GPC6: variants seen among roughly 807,000 people sequenced by gnomAD.
GPC6 encodes glypican 6.
Under a neutral mutation model 55.2 loss-of-function variants are expected in GPC6, and 14 were observed. That is an observed-to-expected ratio of 0.25 (90% CI 0.17 to 0.40). The LOEUF (loss-of-function observed/expected upper bound fraction) is 0.40. Ranked by LOEUF, GPC6 falls within the 10% of genes least tolerant of loss-of-function variation. GPC6 has a pLI of 1.00. For synonymous variants in GPC6, 278 were observed against 259.6 expected (o/e 1.07, Z -0.68); for missense variants, 641 against 708.5 (o/e 0.90, Z 1.08).
chr13:94,171,971 C>T (rs1425822929), intron 4 of GPC6, among the ~76,000 whole-genome samples: 2 of 152,056 alleles, frequency 1.3e-5, no homozygotes, highest in African/African-American at 2.4e-5. Flanking sequence ...GTGCTGAAAA[C>T]GTGGAATTGA....
At chr13:94,225,780 A>C (rs1297974649) in intron 4 of GPC6, among the ~76,000 whole-genome samples, 2 of 152,026 alleles carry the variant, frequency 1.3e-5, no homozygotes, top group African/African-American at 4.8e-5. Context: ...GCAGGAGCCT[A>C]AATCTGTATT....
intron 2 of GPC6, among the ~76,000 whole-genome samples, chr13:93,616,336 G>A (rs1878721311): frequency 6.6e-6 from 1 of 152,098 alleles, no homozygotes; most frequent in South Asian, 2.1e-4. Flanking sequence ...TTGGAGATGA[G>A]AAATTATGAA....
At chr13:93,931,669 CG>C (rs1878183595) in intron 3 of GPC6, among the ~76,000 whole-genome samples, 1 of 145,120 alleles carries the variant, frequency 6.9e-6, no homozygotes, top group Non-Finnish European at 1.5e-5. Flanking sequence ...AAGGCTGAGG[CG>C]GAAGAGTCAC....
At chr13:94,196,660 A>G (rs1206211846) in intron 4 of GPC6, among the ~76,000 whole-genome samples, 1 of 152,144 alleles carries the variant, frequency 6.6e-6, no homozygotes, top group African/African-American at 2.4e-5. Flanking sequence ...TACCCAAGTG[A>G]TTAGTGGATT....
At chr13:93,413,693 T>C (rs1015043333) in intron 1 of GPC6, among the ~76,000 whole-genome samples, 5 of 152,168 alleles carry the variant, frequency 3.3e-5, no homozygotes, top group African/African-American at 1.2e-4. Context: ...GGATGCATGA[T>C]GCTTTCACCT....
At chr13:93,826,404 G>A (rs934091344) in intron 2 of GPC6, among the ~76,000 whole-genome samples, 2 of 151,986 alleles carry the variant, frequency 1.3e-5, no homozygotes, top group South Asian at 4.2e-4. Context: ...CTATAATCTC[G>A]ACTGACTAAT....
At chr13:93,339,062 C>T (rs1055283693) in intron 1 of GPC6, among the ~76,000 whole-genome samples, 1 of 152,142 alleles carries the variant, frequency 6.6e-6, no homozygotes, top group Non-Finnish European at 1.5e-5. Flanking sequence ...GAAAGGCTTG[C>T]TCACAATCAT....
At chr13:94,059,165 A>G (rs1432046960) in intron 4 of GPC6, among the ~76,000 whole-genome samples, 1 of 151,818 alleles carries the variant, frequency 6.6e-6, no homozygotes, top group African/African-American at 2.4e-5. Context: ...CATGTTGTTC[A>G]TGTTGTTCAC....
rs543279233 is a variant in GPC6, at chr13:93,790,694, A to G, written c.320-39460A>G. Among the ~76,000 whole-genome samples the G allele has an allele frequency of 5.9e-5, 9 of 152,326 alleles. No homozygotes were observed. The South Asian group carries it at 1.9e-3, about 32-fold the overall frequency. On this transcript the variant is annotated intron_variant, in intron 2 of 8. Transcript: ENST00000377047. ...TGGGAAAAAAAGAAAATATGAAGAC[A>G]AGTAAGACACAGTCCTAAAATTCAA... is the stretch of plus-strand genomic sequence containing the variant.
chr13:93,476,007 A>G lies in GPC6; in HGVS notation c.161-69256A>G, dbSNP rs182548278. ...GTATTCCCTGTTCATGTCCTCTTAA[A>G]TATATATGAGTACTGTTAAACTATA... On this transcript the variant is annotated intron_variant, in intron 1 of 8. Coordinates refer to ENST00000377047, the MANE Select transcript of GPC6 (RefSeq NM_005708.5). Among the ~76,000 whole-genome samples the G allele has an allele frequency of 9.9e-5, 15 of 152,132 alleles. No individual in the cohort carries two copies. The East Asian group carries it at 2.9e-3, about 29-fold the overall frequency.
chr13:93,606,584 G>A (rs1698073840), intron 2 of GPC6, among the ~76,000 whole-genome samples: 1 of 152,156 alleles, frequency 6.6e-6, no homozygotes, highest in African/African-American at 2.4e-5. Context: ...AGTGCACAAA[G>A]TATTTGAGGT....
intron 1 of GPC6, among the ~76,000 whole-genome samples, chr13:93,427,254 A>C (rs926091750): frequency 1.3e-5 from 2 of 152,034 alleles, no homozygotes; most frequent in Non-Finnish European, 2.9e-5. Context: ...AAACTACTTT[A>C]AAGTTCATAT....
At chr13:93,868,357 A>G (rs1301167683) in intron 3 of GPC6, among the ~76,000 whole-genome samples, 1 of 151,822 alleles carries the variant, frequency 6.6e-6, no homozygotes, top group Non-Finnish European at 1.5e-5. Flanking sequence ...ATATAGTTAT[A>G]TCTCCTTATG....
intron 4 of GPC6, among the ~76,000 whole-genome samples, chr13:94,099,265 T>C (rs1391217398): frequency 1.3e-5 from 2 of 152,174 alleles, no homozygotes; most frequent in Non-Finnish European, 1.5e-5. Flanking sequence ...TTAAAAATAA[T>C]AAGTAGCTTT....
chr13:93,223,896 CTTTT>C (rs10592858), upstream of GPC6, among the ~76,000 whole-genome samples: 11 of 83,550 alleles, frequency 1.3e-4, no homozygotes, highest in African/African-American at 4.8e-4. Context: ...TATTTGTTTG[CTTTT>C]TTTTTTTTTT....
the GPC6 span, among the ~76,000 whole-genome samples, chr13:93,217,978 T>C: frequency 9.8e-5 from 15 of 152,312 alleles, no homozygotes; most frequent in South Asian, 3.1e-3. Flanking sequence ...CAACATTGAT[T>C]GGCTGTGATT....
intron 4 of GPC6, among the ~76,000 whole-genome samples, chr13:94,072,110 GA>G (rs1202407883): frequency 1.3e-5 from 2 of 152,024 alleles, no homozygotes; most frequent in African/African-American, 2.4e-5. Flanking sequence ...ATCAACTAAA[GA>G]AAACCTAAAA....
chr13:94,339,751 C>CTTTTTTTTTTTTTTTTT (rs56074677), intron 6 of GPC6, among the ~76,000 whole-genome samples: 10 of 63,794 alleles, frequency 1.6e-4, no homozygotes, highest in African/African-American at 6.8e-4. Context: ...GCATACTTTC[C>CTTTTTTTTTTTTTTTTT]TTTTTTTTTT....
chr13:94,132,797 G>A (rs531426991), intron 4 of GPC6, among the ~76,000 whole-genome samples: 1 of 152,096 alleles, frequency 6.6e-6, no homozygotes, highest in African/African-American at 2.4e-5. Context: ...TGCTGAAATA[G>A]GATCCACCAA....
Sources: gnomAD v4.1 joint callset for allele counts (sites outside exome capture counted in the v4.1 genomes callset) on GRCh38, gnomAD v4.1.1 for gene constraint, MANE v1.5 for transcripts, NCBI Gene and HGNC (gene_info 2026-07-23, HGNC 2026-07-21) for gene names.